Variants in FEZF1 observed in about 807,000 individuals in gnomAD.
FEZF1 encodes fez family zinc finger protein 1.
A neutral mutation model predicts 32.4 loss-of-function variants in FEZF1; 8 were observed. That is an observed-to-expected ratio of 0.25 (90% CI 0.15 to 0.45). The LOEUF is 0.45. Among genes scored for constraint, FEZF1 ranks in the 20% least tolerant of loss-of-function variants. FEZF1 has a pLI of 1.00. For synonymous variants in FEZF1, 259 were observed against 265.2 expected (o/e 0.98, Z 0.23); for missense variants, 546 against 622.3 (o/e 0.88, Z 1.31).
Position 122,302,938 on chromosome 7 carries a change from A to C in FEZF1, c.937-7T>G, listed in dbSNP as rs1211116788. The C allele has an allele frequency of 3.1e-6, 5 of 1,598,788 alleles. No individual in the cohort carries two copies. The African/African-American group carries it at 5.4e-5, about 17-fold the overall frequency. ...TACATTTGTGAGGTTTTTCCTAAGC[A>C]GGAGAAAGGAAAAGCAGAGACATTT... On this transcript the variant is annotated splice_polypyrimidine_tract_variant and splice_region_variant and intron_variant, in intron 2 of 3. Transcript: ENST00000442488. This position sits in a 1 kb window ranked among gnomAD's most constrained non-coding sequence, Gnocchi z 4.4.
Position 122,301,957 on chromosome 7 carries a change from G to T in FEZF1, c.*40C>A, listed in dbSNP as rs765781031. ...AGCTCTAGTCTGCCGCTGCCTCAGC[G>T]TGGGGGCACGGCTGAGGCTGGGAGG... On this transcript the variant is annotated 3_prime_UTR_variant, in exon 4 of 4. Coordinates refer to ENST00000442488, the MANE Select transcript of FEZF1 (RefSeq NM_001024613.4). The T allele has an allele frequency of 9.1e-6, 14 of 1,545,206 alleles. No homozygotes were observed. In the East Asian group the frequency reaches 2.7e-4, roughly 30 times the overall value.
chr7:122,303,536 A>AGGAGGGAG lies in FEZF1; in HGVS notation c.801+93_801+100dup, dbSNP rs1390465466. On this transcript the variant is annotated intron_variant, in intron 1 of 3. Transcript: ENST00000442488. ...AAGGAAGGAAGGAAGGAAGGAAGGA[A>AGGAGGGAG]GGAGGGAGGGAAGGAAGGAGGGAAG... 73,026 of 323,448 alleles carry AGGAGGGAG rather than the reference A, an allele frequency of 0.23. 6,943 individuals carry two copies. The highest frequency in any genetic ancestry group is 0.43 in the East Asian group (12,233 of 28,766). The allele number at this position is 323,448 out of a possible 1,614,324, so 20.0% of individuals were successfully genotyped here. A position where few individuals can be genotyped will look rare whatever the true frequency, so the allele number is the denominator to read the frequency against.
At position 122,302,302 on chromosome 7, in the gene FEZF1, T is replaced by G. The variant is rs534310317; in HGVS notation, c.1123A>C (p.Asn375His). The G allele has an allele frequency of 1.9e-6, 3 of 1,614,178 alleles. No individual in the cohort carries two copies. The South Asian group carries it at 3.3e-5, about 18-fold the overall frequency. The change falls in exon 4 of 4, where the codon AAT becomes CAT. Residue 375 changes from asparagine (N) to histidine (H), a missense_variant. Asn to His is a moderately conservative substitution (Grantham distance 68). Around this residue, in one of 3 missense-constraint regions of FEZF1, gnomAD observed 118 missense variants for 188.7 expected, o/e 0.63. Transcript: ENST00000442488. This position sits in a 1 kb window ranked among gnomAD's most constrained non-coding sequence, Gnocchi z 4.4. ...TGGTGGAAAGCCTTGTTGCAGATAT[T>G]GCACTTGAACTGCTTCTCCCCGCTG... ...THSGEKQFKC[N>H]ICNKAFHQVY...
At position 122,302,690 on chromosome 7, in the gene FEZF1, A is replaced by G. The variant is rs997356526; in HGVS notation, c.1069+109T>C. On this transcript the variant is annotated intron_variant, in intron 3 of 3. Transcript: ENST00000442488. This position sits in a 1 kb window ranked among gnomAD's most constrained non-coding sequence, Gnocchi z 4.4. ...CGAGTAGGGAGTTAGAATGGCAACA[A>G]AAGTGCCACATAACTACACTTTAAA... 3.3e-6 allele frequency: 4 copies of G among 1,230,740 alleles called. No individual in the cohort carries two copies. Among genetic ancestry groups the G allele is most frequent in the African/African-American group, 3.0e-5 (2 of 66,688 alleles). 76.2% of individuals were successfully genotyped at this position (1,230,740 alleles called of 1,614,324 possible).
chr7:122,306,496 C>G (rs1259758138), upstream of FEZF1: 1 of 152,220 alleles, frequency 6.6e-6, no homozygotes, highest in Non-Finnish European at 1.5e-5. Context: ...CCTCTCTACC[C>G]CATTCTCAAC....
At chr7:122,308,611 T>G (rs1185773189), upstream of FEZF1, 1 of 152,222 alleles carries the variant, frequency 6.6e-6, no homozygotes, top group Non-Finnish European at 1.5e-5. Flanking sequence ...CTCTAATCTC[T>G]TATTCCTTGA....
chr7:122,305,940 A>G (rs1441323270), upstream of FEZF1: 1 of 152,328 alleles, frequency 6.6e-6, no homozygotes, highest in East Asian at 1.9e-4. Context: ...GGCGCGGTGG[A>G]GCGTGTGGAG....
At position 122,304,476 on chromosome 7, in the gene FEZF1, C is replaced by A. The variant is rs1277735148; in HGVS notation, c.-39G>T. 1.3e-6 allele frequency: 2 copies of A among 1,501,858 alleles called. No homozygotes were observed. The highest frequency in any genetic ancestry group is 1.3e-5 in the South Asian group (1 of 74,620). The allele number at this position is 1,501,858 out of a possible 1,614,324, so 93.0% of individuals were successfully genotyped here. A position where few individuals can be genotyped will look rare whatever the true frequency, so the allele number is the denominator to read the frequency against. On this transcript the variant is annotated 5_prime_UTR_variant, in exon 1 of 4. Coordinates refer to ENST00000442488, the MANE Select transcript of FEZF1 (RefSeq NM_001024613.4). The stretch of plus-strand genomic sequence containing the variant: ...GCGTCCGTCAGCCGGGGCTGGGTTG[C>A]GCCGTCCGTTGCCTTGTTCCCTGCT...
exon 1 of FEZF1, chr7:122,310,187 C>T (rs1190521408): frequency 1.3e-5 from 2 of 152,382 alleles, no homozygotes; most frequent in East Asian, 3.9e-4. Context: ...TCAGTTACCT[C>T]CTGAACTCCG....
chr7:122,301,543 C>T lies in FEZF1; in HGVS notation c.*454G>A, dbSNP rs1311125295. On this transcript the variant is annotated 3_prime_UTR_variant, in exon 4 of 4. Transcript: ENST00000442488. Reference sequence around the variant, plus strand: ...CAGGGAAAGAGGAAATGATCAACATCCAGCAGACATCTTGAGACCGGAGAA... The same window carrying T: ...CAGGGAAAGAGGAAATGATCAACATTCAGCAGACATCTTGAGACCGGAGAA... 6.4e-6 allele frequency: 1 copy of T among 156,218 alleles called. No individual in the cohort carries two copies. Among genetic ancestry groups the T allele is most frequent in the Non-Finnish European group, 1.4e-5 (1 of 71,442 alleles). The allele number at this position is 156,218 out of a possible 1,614,324, so 9.7% of individuals were successfully genotyped here. A position where few individuals can be genotyped will look rare whatever the true frequency, so the allele number is the denominator to read the frequency against.
exon 1 of FEZF1, chr7:122,310,281 G>C (rs2031387211): frequency 1.0e-5 from 1 of 97,422 alleles, no homozygotes; most frequent in Non-Finnish European, 2.5e-5. Flanking sequence ...CCACGGCCTT[G>C]GCGCCCCCTG....
chr7:122,303,506 G>A (rs2031123367), intron 1 of FEZF1, 131 bp downstream of exon 1: 2 of 553,970 alleles, frequency 3.6e-6, no homozygotes, highest in Non-Finnish European at 6.1e-6. Flanking sequence ...AGGAAGGAAG[G>A]AAGGAAGGAA....
rs1184831141 is a variant in FEZF1, at chr7:122,303,757, C to A, written c.681G>T (p.Gln227His). 6.2e-7 allele frequency: 1 copy of A among 1,614,228 alleles called. No individual in the cohort carries two copies. The highest frequency in any genetic ancestry group is 8.5e-7 in the Non-Finnish European group (1 of 1,180,042). Residue 227 changes from glutamine to histidine, a missense_variant, in exon 1 of 4, where the codon CAG becomes CAT. Physicochemically the swap from Gln to His is conservative, Grantham distance 24. Around this residue, in one of 3 missense-constraint regions of FEZF1, gnomAD observed 345 missense variants for 360.6 expected, o/e 0.96. Coordinates refer to ENST00000442488, the MANE Select transcript of FEZF1 (RefSeq NM_001024613.4). ...GCTGGGCGCTTTCTTTCATGTAATG[C>A]TGCAGCTGAGCCTGGGACAGGTCTT... ...AFKDLSQAQL[Q>H]HYMKESAQLL...
Position 122,304,377 on chromosome 7 carries a change from T to C in FEZF1, c.61A>G (p.Asn21Asp). ...KMLATAPARG[N>D]MMSTSKPLAF... ...AAGGGTTTGGACGTGCTCATCATGT[T>C]GCCCCGAGCTGGAGCAGTCGCTAAC... is the stretch of plus-strand genomic sequence containing the variant. Residue 21 changes from asparagine (N) to aspartate (D), a missense_variant, in exon 1 of 4, where the codon AAC (asparagine) becomes GAC (aspartate). Coordinates refer to ENST00000442488, the MANE Select transcript of FEZF1 (RefSeq NM_001024613.4). 1 of 1,598,716 alleles carries C rather than the reference T, an allele frequency of 6.3e-7. No homozygotes were observed. The highest frequency in any genetic ancestry group is 8.5e-7 in the Non-Finnish European group (1 of 1,170,036).
At chr7:122,307,098 GAAATTTTCTTT>G (rs1292560495), upstream of FEZF1, 13 of 152,178 alleles carry the variant, frequency 8.5e-5, no homozygotes, top group African/African-American at 3.1e-4. Context: ...GTCAGCGCTG[GAAATTTTCTTT>G]CCTTTTGCTG....
At chr7:122,305,729 G>C (rs1192438731), upstream of FEZF1, 1 of 152,278 alleles carries the variant, frequency 6.6e-6, no homozygotes, top group Non-Finnish European at 1.5e-5. Flanking sequence ...CACTCCGGTT[G>C]CCGGTGTCTG....
chr7:122,309,052 G>A (rs1044643856), upstream of FEZF1, among the ~76,000 whole-genome samples: 10 of 152,138 alleles, frequency 6.6e-5, no homozygotes, highest in African/African-American at 2.2e-4. Flanking sequence ...GCAGGGTGAC[G>A]GGATGGGACA....
rs753092204 is a variant in FEZF1, at chr7:122,301,967, G to A, written c.*30C>T. On this transcript the variant is annotated 3_prime_UTR_variant, in exon 4 of 4. Coordinates refer to ENST00000442488, the MANE Select transcript of FEZF1 (RefSeq NM_001024613.4). ...TGCCGCTGCCTCAGCGTGGGGGCACGGCTGAGGCTGGGAGGACCCTTAGCC... is the reference window on the plus strand; with the variant it reads ...TGCCGCTGCCTCAGCGTGGGGGCACAGCTGAGGCTGGGAGGACCCTTAGCC... 1 of 1,552,738 alleles carries A rather than the reference G, an allele frequency of 6.4e-7. No individual in the cohort carries two copies. Among genetic ancestry groups the A allele is most frequent in the South Asian group, 1.2e-5 (1 of 84,662 alleles).
At chr7:122,303,488 A>C in intron 1 of FEZF1, 149 bp downstream of exon 1, 4 of 416,140 alleles carry the variant, frequency 9.6e-6, no homozygotes, top group Non-Finnish European at 4.1e-6. Context: ...GAAGGAAGGA[A>C]GGAAGGAAGG....
Sources: gnomAD v4.1 joint callset for allele counts (sites outside exome capture counted in the v4.1 genomes callset) on GRCh38, gnomAD v4.1.1 for gene constraint, gnomAD v4.1.1 regional missense constraint, Gnocchi (gnomAD v3.1) non-coding constraint, MANE v1.5 for transcripts, NCBI Gene and HGNC (gene_info 2026-07-23, HGNC 2026-07-21) for gene names.